POMK: variants seen among roughly 807,000 people sequenced by gnomAD.
POMK encodes the protein protein O-mannose kinase.
A neutral mutation model predicts 23.0 loss-of-function variants in POMK; 19 were observed. The ratio of observed to expected loss-of-function variants is 0.83; its 90% CI spans 0.58 to 1.21. The LOEUF (loss-of-function observed/expected upper bound fraction) is 1.21, where lower values mean the gene tolerates loss of function less well. Ranked by LOEUF, POMK falls within the 50% of genes most tolerant of loss-of-function variation. The probability of loss-of-function intolerance (pLI) is 0.00; values close to 1 mark genes in which losing one functional copy is unlikely to be tolerated. For missense variants in POMK, 410 were observed against 431.3 expected, an observed-to-expected ratio of 0.95 and a Z score of 0.44; for synonymous variants, 173 against 171.6, an observed-to-expected ratio of 1.01 and a Z score of -0.06.
chr8:43,113,809 TGTTA>T (rs1811733503), intron 4 of POMK, among the ~76,000 whole-genome samples: 2 of 152,216 alleles, frequency 1.3e-5, no homozygotes, highest in South Asian at 4.1e-4. Flanking sequence ...CCTTTCTGTT[TGTTA>T]GTTTTCCTTC....
rs187909220 is a variant in POMK, at chr8:43,101,297, G to A, written c.-117-1208G>A. Among the ~76,000 whole-genome samples, 5 of 151,758 alleles carry A rather than the reference G, an allele frequency of 3.3e-5. No individual in the cohort carries two copies. The East Asian group carries it at 5.8e-4, about 18-fold the overall frequency. On this transcript the variant is annotated intron_variant, in intron 2 of 4. Transcript: ENST00000331373. Reference sequence around the variant, plus strand: ...AAAAATTAGCTGGATGTGGTGATGCGCACCTGTAGTCCCAGCTACTAAGGA... The same window carrying A: ...AAAAATTAGCTGGATGTGGTGATGCACACCTGTAGTCCCAGCTACTAAGGA...
At chr8:43,117,178 A>G (rs1430879748) in intron 4 of POMK, among the ~76,000 whole-genome samples, 2 of 152,226 alleles carry the variant, frequency 1.3e-5, no homozygotes, top group East Asian at 3.8e-4. Flanking sequence ...GTGGAATGTC[A>G]TCAGTTAAGG....
chr8:43,097,335 A>C (rs1811354192), intron 1 of POMK, among the ~76,000 whole-genome samples, 189 bp from the exon 2 acceptor site: 1 of 152,202 alleles, frequency 6.6e-6, no homozygotes, highest in African/African-American at 2.4e-5. Context: ...GATGTCCACC[A>C]ACTTGAAGAT....
chr8:43,103,862 T>A (rs202005139), intron 4 of POMK, 32 bp downstream of exon 4: 2 of 1,607,452 alleles, frequency 1.2e-6, no homozygotes, highest in African/African-American at 2.7e-5. Flanking sequence ...ATTGCTGTCA[T>A]CCTGTTATTT....
intron 4 of POMK, among the ~76,000 whole-genome samples, chr8:43,107,470 G>C (rs963953545): frequency 2.4e-4 from 36 of 152,048 alleles, no homozygotes; most frequent in Non-Finnish European, 1.5e-4. Flanking sequence ...CGCCTCCCGG[G>C]TTCAAGCAGT....
At chr8:43,110,877 G>A (rs1391284321) in intron 4 of POMK, among the ~76,000 whole-genome samples, 1 of 151,996 alleles carries the variant, frequency 6.6e-6, no homozygotes, top group South Asian at 2.1e-4. Flanking sequence ...CCGAGATCGC[G>A]CCATTGCACT....
At chr8:43,093,974 G>A (rs1486547374) in intron 1 of POMK, among the ~76,000 whole-genome samples, 1 of 152,270 alleles carries the variant, frequency 6.6e-6, no homozygotes, top group Non-Finnish European at 1.5e-5. Flanking sequence ...CTACTCCGGA[G>A]GCTGAGGCGG....
At chr8:43,108,383 T>C (rs941788047) in intron 4 of POMK, among the ~76,000 whole-genome samples, 1 of 152,254 alleles carries the variant, frequency 6.6e-6, no homozygotes, top group African/African-American at 2.4e-5. Context: ...CAGATTCTTA[T>C]TGTATTTATG....
At chr8:43,103,496 G>A (rs1811483517) in intron 3 of POMK, 32 bp from the exon 4 acceptor site, 1 of 1,600,840 alleles carries the variant, frequency 6.2e-7, no homozygotes, top group Non-Finnish European at 8.5e-7. Context: ...AAAGCTGACT[G>A]TCATGACTTC....
chr8:43,104,685 A>C (rs1042607045), intron 4 of POMK, among the ~76,000 whole-genome samples: 5 of 152,188 alleles, frequency 3.3e-5, no homozygotes, highest in Non-Finnish European at 7.3e-5. Flanking sequence ...TGTCTTATAC[A>C]TGTAATCCCA....
intron 4 of POMK, among the ~76,000 whole-genome samples, chr8:43,113,596 T>C: frequency 6.6e-6 from 1 of 152,106 alleles, no homozygotes; most frequent in East Asian, 1.9e-4. Context: ...GTCTGAAGCC[T>C]TCTTCTCTGA....
chr8:43,116,381 C>T (rs983995211), intron 4 of POMK, among the ~76,000 whole-genome samples: 1 of 152,196 alleles, frequency 6.6e-6, no homozygotes, highest in Non-Finnish European at 1.5e-5. Context: ...CCTCCCACCT[C>T]AGCCTCTTGA....
At chr8:43,098,958 T>C (rs1472053988) in intron 2 of POMK, among the ~76,000 whole-genome samples, 1 of 152,208 alleles carries the variant, frequency 6.6e-6, no homozygotes, top group Non-Finnish European at 1.5e-5. Context: ...TTTATTTGTT[T>C]ATTTTTTTGA....
intron 4 of POMK, among the ~76,000 whole-genome samples, chr8:43,121,794 C>T (rs1811921357): frequency 6.6e-6 from 1 of 152,234 alleles, no homozygotes; most frequent in Admixed American, 6.5e-5. Flanking sequence ...CTGCAGGTCC[C>T]CCTCGTTCTA....
chr8:43,114,800 A>G (rs73629156), intron 4 of POMK, among the ~76,000 whole-genome samples: 7,716 of 152,282 alleles, frequency 0.051, 406 homozygotes, highest in African/African-American at 0.13. Flanking sequence ...CATTAAAAGA[A>G]CCAGTTGTGC....
chr8:43,098,145 A>G (rs1811371761), intron 2 of POMK, among the ~76,000 whole-genome samples: 1 of 152,208 alleles, frequency 6.6e-6, no homozygotes, highest in Non-Finnish European at 1.5e-5. Context: ...TTCACAAACC[A>G]TAACATTTGA....
chr8:43,120,226 T>C (rs1197236548), intron 4 of POMK, among the ~76,000 whole-genome samples: 1 of 152,070 alleles, frequency 6.6e-6, no homozygotes, highest in East Asian at 1.9e-4. Flanking sequence ...TTTTTTTTTT[T>C]TGAGATGGAG....
intron 4 of POMK, among the ~76,000 whole-genome samples, chr8:43,104,580 T>G (rs186357740): frequency 6.6e-6 from 1 of 152,208 alleles, no homozygotes; most frequent in Non-Finnish European, 1.5e-5. Context: ...CTTATGATGA[T>G]AAGTGAAGAA....
At chr8:43,109,763 G>A (rs559980259) in intron 4 of POMK, among the ~76,000 whole-genome samples, 15 of 151,706 alleles carry the variant, frequency 9.9e-5, no homozygotes, top group African/African-American at 3.1e-4. Context: ...GGCTGGTCTC[G>A]AACTCTTGAC....
Sources: gnomAD v4.1 joint callset for allele counts (sites outside exome capture counted in the v4.1 genomes callset) on GRCh38, gnomAD v4.1.1 for gene constraint, MANE v1.5 for transcripts, NCBI Gene and HGNC (gene_info 2026-07-23, HGNC 2026-07-21) for gene names.